VPS13B: variants seen among roughly 807,000 people sequenced by gnomAD.
VPS13B encodes vacuolar protein sorting 13 homolog B.
Under a neutral mutation model 426.4 loss-of-function variants are expected in VPS13B, and 285 were observed. That is an observed-to-expected ratio of 0.67 (90% CI 0.61 to 0.74). The LOEUF (loss-of-function observed/expected upper bound fraction) is 0.74. Ranked by LOEUF, VPS13B falls within the 30% of genes least tolerant of loss-of-function variation. The pLI, the probability that VPS13B is intolerant of heterozygous loss-of-function variation, is 0.00. For synonymous variants in VPS13B, 1,676 were observed against 1,676.4 expected (o/e 1.00, Z 0.01); for missense variants, 4,537 against 4,782.6 (o/e 0.95, Z 1.51).
At chr8:99,059,648 A>C (rs1844071818) in intron 3 of VPS13B, among the ~76,000 whole-genome samples, 2 of 151,248 alleles carry the variant, frequency 1.3e-5, no homozygotes, top group South Asian at 4.2e-4. Context: ...TGAGTGGTTT[A>C]TGATTTTAAT....
intron 19 of VPS13B, among the ~76,000 whole-genome samples, chr8:99,318,637 A>G (rs997918386): frequency 1.3e-5 from 2 of 152,146 alleles, no homozygotes. Context: ...CTCCTGCCTC[A>G]GCCTCCTGAA....
intron 21 of VPS13B, among the ~76,000 whole-genome samples, chr8:99,418,653 G>T (rs1358895807): frequency 6.6e-6 from 1 of 151,718 alleles, no homozygotes; most frequent in African/African-American, 2.4e-5. Flanking sequence ...GGTTCAAGTG[G>T]TTCTCCTGCC....
chr8:99,115,059 C>T (rs769216698), intron 6 of VPS13B, among the ~76,000 whole-genome samples: 1 of 152,048 alleles, frequency 6.6e-6, no homozygotes, highest in African/African-American at 2.4e-5. Flanking sequence ...TCATTTAAAT[C>T]TTATCTACAA....
rs1814789814 is a variant in VPS13B, at chr8:99,827,880, T to C, written c.9330+3902T>C. 1.3e-5 allele frequency among the ~76,000 whole-genome samples: 2 copies of C among 152,308 alleles called. 1 individual carries two copies. The highest frequency in any genetic ancestry group is 4.1e-4 in the South Asian group (2 of 4,828). ...AGGAGCAGGTTGTTCCATTTCCATG[T>C]AGTTGTGTGGATTTTAGTGAGTTTC... On this transcript the variant is annotated intron_variant, in intron 51 of 61. Transcript: ENST00000357162.
At chr8:99,017,425 C>A (rs1841678201) in intron 2 of VPS13B, among the ~76,000 whole-genome samples, 1 of 152,044 alleles carries the variant, frequency 6.6e-6, no homozygotes, top group South Asian at 2.1e-4. Flanking sequence ...ATTAGTACAA[C>A]TTTGTTCTTT....
At chr8:99,140,917 A>G (rs757290608) in intron 12 of VPS13B, among the ~76,000 whole-genome samples, 2 of 152,142 alleles carry the variant, frequency 1.3e-5, no homozygotes, top group East Asian at 3.8e-4. Context: ...AATATTTATT[A>G]TTAATATAAT....
intron 3 of VPS13B, among the ~76,000 whole-genome samples, chr8:99,048,609 G>A (rs571429303): frequency 2.6e-4 from 39 of 152,230 alleles, no homozygotes; most frequent in African/African-American, 8.9e-4. Flanking sequence ...GTGGTCGGGA[G>A]TTTGAGACCA....
At position 99,699,932 on chromosome 8, in the gene VPS13B, G is replaced by A; in HGVS notation, c.6454G>A (p.Gly2152Ser). 6 of 1,613,610 alleles carry A rather than the reference G, an allele frequency of 3.7e-6. No individual in the cohort carries two copies. Among genetic ancestry groups the A allele is most frequent in the Non-Finnish European group, 5.1e-6 (6 of 1,179,888 alleles). ...TGTCAAGGCAACACAAAAAGTACCT[G>A]GTAAGTCACAGAAAAGGGGAGGGGG... Reference protein sequence around the residue: ...LSVKATQKVPGIILGSSFLLS... With the variant: ...LSVKATQKVPSIILGSSFLLS... The change falls in exon 36 of 62, where the codon GGC becomes AGC. Residue 2152 changes from glycine to serine, a missense_variant and splice_region_variant. This residue lies in a region of VPS13B where 4,311 missense variants were observed against 4,474.3 expected (regional missense o/e 0.96). Transcript: ENST00000357162.
intron 25 of VPS13B, among the ~76,000 whole-genome samples, chr8:99,498,605 TA>T (rs1005725099): frequency 1.1e-4 from 17 of 152,156 alleles, no homozygotes; most frequent in African/African-American, 3.6e-4. Context: ...CAATTGTTTG[TA>T]TTAAATGGAA....
intron 51 of VPS13B, among the ~76,000 whole-genome samples, chr8:99,825,568 A>G (rs555221049): frequency 1.3e-5 from 2 of 152,242 alleles, no homozygotes; most frequent in South Asian, 4.1e-4. Flanking sequence ...GAAGCTCTCT[A>G]GTTTAATTAG....
intron 10 of VPS13B, 90 bp from the exon 11 acceptor site, chr8:99,135,506 A>G (rs1478572927): frequency 5.4e-6 from 8 of 1,468,702 alleles, no homozygotes; most frequent in Non-Finnish European, 5.6e-6. Flanking sequence ...TCTTTTGACT[A>G]GTAAATGGGC....
At chr8:99,319,619 C>G (rs1199977922) in intron 19 of VPS13B, among the ~76,000 whole-genome samples, 1 of 152,102 alleles carries the variant, frequency 6.6e-6, no homozygotes, top group Non-Finnish European at 1.5e-5. Context: ...ATTGTGACAA[C>G]CAGAAACACT....
chr8:99,169,770 A>G (rs530344421), intron 15 of VPS13B, among the ~76,000 whole-genome samples: 3 of 152,174 alleles, frequency 2.0e-5, no homozygotes, highest in South Asian at 4.1e-4. Flanking sequence ...GAGTATGTAT[A>G]GAAATAAAAT....
At chr8:99,766,228 C>T (rs1220538564) in intron 39 of VPS13B, among the ~76,000 whole-genome samples, 5 of 151,660 alleles carry the variant, frequency 3.3e-5, no homozygotes, top group East Asian at 1.9e-4. Flanking sequence ...TACAGGTGCA[C>T]GCCACCACAC....
intron 39 of VPS13B, among the ~76,000 whole-genome samples, chr8:99,741,879 T>G (rs957232331): frequency 2.0e-5 from 3 of 152,052 alleles, no homozygotes; most frequent in Admixed American, 6.6e-5. Context: ...GCAGGAAAGA[T>G]CTAAAATTGA....
At chr8:99,372,157 A>C (rs1813220120) in intron 19 of VPS13B, among the ~76,000 whole-genome samples, 1 of 151,328 alleles carries the variant, frequency 6.6e-6, no homozygotes. Context: ...AGGCTGAGGC[A>C]GGAGAATGGC....
intron 28 of VPS13B, 48 bp from the exon 29 acceptor site, chr8:99,511,056 A>C: frequency 6.2e-7 from 1 of 1,601,360 alleles, no homozygotes; most frequent in Non-Finnish European, 8.5e-7. Flanking sequence ...TTTTTAAAAA[A>C]AATCTTTTTA....
intron 3 of VPS13B, among the ~76,000 whole-genome samples, chr8:99,064,586 C>T (rs1296019076): frequency 6.6e-6 from 1 of 152,086 alleles, no homozygotes; most frequent in African/African-American, 2.4e-5. Context: ...TGAACAAAGC[C>T]TTCATGAAAT....
At chr8:99,413,802 T>C (rs1191121281) in intron 21 of VPS13B, among the ~76,000 whole-genome samples, 3 of 152,088 alleles carry the variant, frequency 2.0e-5, no homozygotes, top group East Asian at 1.9e-4. Context: ...GAGACTGTTA[T>C]GATTTCCATT....
Sources: gnomAD v4.1 joint callset for allele counts (sites outside exome capture counted in the v4.1 genomes callset) on GRCh38, gnomAD v4.1.1 for gene constraint, gnomAD v4.1.1 regional missense constraint, MANE v1.5 for transcripts, NCBI Gene and HGNC (gene_info 2026-07-23, HGNC 2026-07-21) for gene names.